Variants in COL22A1 observed in about 807,000 individuals in gnomAD.
The protein encoded by COL22A1 is collagen alpha-1(XXII) chain.
Under a neutral mutation model 248.9 loss-of-function variants are expected in COL22A1, and 221 were observed. That is an observed-to-expected ratio of 0.89 (90% CI 0.80 to 0.99). COL22A1 has a LOEUF of 0.99. Among genes scored for constraint, COL22A1 ranks in the 50% least tolerant of loss-of-function variants. COL22A1 has a pLI of 0.00. For missense variants in COL22A1, 2,240 were observed against 2,179.0 expected (o/e 1.03, Z -0.56); for synonymous variants, 891 against 793.4 (o/e 1.12, Z -2.07).
Position 138,690,843 on chromosome 8 carries a change from G to A in COL22A1, c.2786C>T (p.Pro929Leu). ...GAPGHVGAPG[P>L]SGPPGSVGAP... ...CACCACACTTCCTGGAGGGCCACTG[G>A]GACCGGGGGCACCGACATGTCCGGG... The change falls in exon 36 of 65, where the codon CCC (proline) becomes CTC (leucine). Residue 929 changes from proline to leucine, a missense_variant. Physicochemically the swap from Pro to Leu is moderately conservative, Grantham distance 98. Transcript: ENST00000303045. The A allele has an allele frequency of 5.6e-6, 9 of 1,610,254 alleles. No individual in the cohort carries two copies. Among genetic ancestry groups the A allele is most frequent in the Non-Finnish European group, 7.6e-6 (9 of 1,178,306 alleles).
chr8:138,687,891 A>C (rs939442910), intron 37 of COL22A1, among the ~76,000 whole-genome samples: 4 of 152,234 alleles, frequency 2.6e-5, no homozygotes, highest in African/African-American at 9.6e-5. Flanking sequence ...CACTGATGCC[A>C]GGAGCAGTTA....
chr8:138,624,962 G>T (rs1415800644), intron 51 of COL22A1, among the ~76,000 whole-genome samples: 1 of 152,220 alleles, frequency 6.6e-6, no homozygotes, highest in Non-Finnish European at 1.5e-5. Flanking sequence ...TCCAGCTCAT[G>T]CAGAACCTAC....
intron 1 of COL22A1, among the ~76,000 whole-genome samples, chr8:138,895,648 A>G (rs1050590509): frequency 1.3e-5 from 2 of 152,318 alleles, no homozygotes; most frequent in East Asian, 1.9e-4. Flanking sequence ...TGGAAAAAAA[A>G]GTGAGCAGAG....
intron 41 of COL22A1, among the ~76,000 whole-genome samples, chr8:138,671,211 T>A (rs1048948687): frequency 6.6e-6 from 1 of 152,264 alleles, no homozygotes; most frequent in Admixed American, 6.5e-5. Flanking sequence ...ATGTCATGAA[T>A]GCATAAAATA....
intron 50 of COL22A1, among the ~76,000 whole-genome samples, chr8:138,629,370 T>A (rs1056356657): frequency 6.6e-6 from 1 of 151,748 alleles, no homozygotes; most frequent in African/African-American, 2.4e-5. Flanking sequence ...CCTAGGCTGG[T>A]CTGAAACTCC....
chr8:138,650,619 G>A (rs923812204), intron 45 of COL22A1, among the ~76,000 whole-genome samples: 1 of 151,922 alleles, frequency 6.6e-6, no homozygotes, highest in African/African-American at 2.4e-5. Flanking sequence ...CCTTGTGATC[G>A]GAGTTTAATG....
chr8:138,655,867 A>G, intron 45 of COL22A1, 30 bp downstream of exon 45: 2 of 1,586,050 alleles, frequency 1.3e-6, no homozygotes, highest in Non-Finnish European at 1.7e-6. Context: ...CCATTTTCAA[A>G]ACACATGCGC....
At chr8:138,744,369 G>A (rs532055718) in intron 22 of COL22A1, among the ~76,000 whole-genome samples, 3 of 151,988 alleles carry the variant, frequency 2.0e-5, no homozygotes, top group African/African-American at 4.8e-5. Context: ...GCATCCTATC[G>A]GACAGGCATG....
intron 3 of COL22A1, among the ~76,000 whole-genome samples, chr8:138,856,996 T>C (rs1175558593): frequency 6.6e-6 from 1 of 151,700 alleles, no homozygotes; most frequent in Non-Finnish European, 1.5e-5. Context: ...ACCCTGTGCC[T>C]GCCCCTCTTT....
intron 3 of COL22A1, among the ~76,000 whole-genome samples, chr8:138,854,793 A>ATGGTGG (rs1284095876): frequency 2.6e-5 from 4 of 151,802 alleles, no homozygotes; most frequent in Admixed American, 1.3e-4. Flanking sequence ...GGTGATTGTG[A>ATGGTGG]TGGTGGTGAT....
chr8:138,660,561 C>G (rs1823731796), intron 43 of COL22A1, 81 bp from the exon 44 acceptor site: 1 of 1,252,120 alleles, frequency 8.0e-7, no homozygotes, highest in Non-Finnish European at 1.2e-6. Flanking sequence ...CTGCCAATCT[C>G]TCTATCTGCT....
At chr8:138,739,182 A>G (rs1161892719) in intron 22 of COL22A1, among the ~76,000 whole-genome samples, 2 of 152,146 alleles carry the variant, frequency 1.3e-5, no homozygotes, top group African/African-American at 4.8e-5. Flanking sequence ...CAGAACTTTA[A>G]TGACCTCCAG....
At position 138,594,184 on chromosome 8, in the gene COL22A1, A is replaced by T. The variant is rs72727814; in HGVS notation, c.4448T>A (p.Leu1483His). The change falls in exon 63 of 65, where the codon CTC (leucine) becomes CAC (histidine). Residue 1483 changes from leucine to histidine, a missense_variant. Coordinates refer to ENST00000303045, the MANE Select transcript of COL22A1 (RefSeq NM_152888.3). ...GKQLETRLAY[L>H]LAQMPPAYMK... Reference sequence around the variant, plus strand: ...GTACGCCGGGGGCATCTGGGCCAGGAGGTAGGCGAGTCTGGCTGTAAAGTA... The same window carrying T: ...GTACGCCGGGGGCATCTGGGCCAGGTGGTAGGCGAGTCTGGCTGTAAAGTA... 9,680 of 1,572,466 alleles carry T rather than the reference A, an allele frequency of 6.2e-3. 58 individuals carry two copies. Among genetic ancestry groups the T allele is most frequent in the Non-Finnish European group, 5.7e-3 (6,653 of 1,164,954 alleles).
chr8:138,680,785 T>C (rs1825898285), intron 39 of COL22A1, among the ~76,000 whole-genome samples: 1 of 152,228 alleles, frequency 6.6e-6, no homozygotes, highest in Non-Finnish European at 1.5e-5. Context: ...CAATGCCAAT[T>C]GACTATGGAA....
chr8:138,693,824 G>A, intron 34 of COL22A1, 125 bp from the exon 35 acceptor site: 1 of 940,304 alleles, frequency 1.1e-6, no homozygotes, highest in Non-Finnish European at 1.7e-6. Flanking sequence ...AAGGGGCCCG[G>A]GAGCACCGTC....
At position 138,809,586 on chromosome 8, in the gene COL22A1, T is replaced by C. The variant is rs566040212; in HGVS notation, c.1450-1774A>G. ...CCCAGGCTGGAGTGCAATAGCACGA[T>C]CTCGGCTCACTGCAACCTCCGCCTC... On this transcript the variant is annotated intron_variant, in intron 9 of 64. Transcript: ENST00000303045. Among the ~76,000 whole-genome samples, 5 of 147,378 alleles carry C rather than the reference T, an allele frequency of 3.4e-5. No individual in the cohort carries two copies. The East Asian group carries it at 9.9e-4, about 29-fold the overall frequency.
At chr8:138,749,966 A>G (rs1229616689) in intron 22 of COL22A1, among the ~76,000 whole-genome samples, 1 of 152,184 alleles carries the variant, frequency 6.6e-6, no homozygotes, top group African/African-American at 2.4e-5. Context: ...ACACTGTGGG[A>G]GGAACCCGGT....
chr8:138,778,832 A>T (rs1814711365), intron 14 of COL22A1, among the ~76,000 whole-genome samples: 1 of 152,216 alleles, frequency 6.6e-6, no homozygotes, highest in South Asian at 2.1e-4. Context: ...CCATGGGCTC[A>T]GTACAGCCTG....
intron 47 of COL22A1, among the ~76,000 whole-genome samples, chr8:138,637,368 T>C (rs1821283478): frequency 6.6e-6 from 1 of 152,138 alleles, no homozygotes; most frequent in Non-Finnish European, 1.5e-5. Flanking sequence ...TGGAAGAATT[T>C]ATCCATACAT....
Sources: allele counts gnomAD v4.1 joint callset (sites outside exome capture counted in the v4.1 genomes callset), GRCh38; gene constraint gnomAD v4.1.1; transcripts MANE v1.5; gene names NCBI Gene and HGNC (gene_info 2026-07-23, HGNC 2026-07-21).